Variants in KLF8 observed in about 807,000 individuals in gnomAD.
KLF8 encodes Krueppel-like factor 8.
A neutral mutation model predicts 18.2 loss-of-function variants in KLF8; 10 were observed. That is an observed-to-expected ratio of 0.55 (90% CI 0.34 to 0.93). The LOEUF is 0.93. Among genes scored for constraint, KLF8 ranks in the 40% least tolerant of loss-of-function variants. KLF8 has a pLI of 0.02. For missense variants in KLF8, 264 were observed against 277.9 expected, an observed-to-expected ratio of 0.95 and a Z score of 0.36; for synonymous variants, 109 against 97.3, an observed-to-expected ratio of 1.12 and a Z score of -0.71.
chrX:55,987,333 A>C, the KLF8 span, among the ~76,000 whole-genome samples: 1 of 110,347 alleles, frequency 9.1e-6, no homozygotes, highest in African/African-American at 3.3e-5. Context: ...TATATCTCCT[A>C]ATGCTATACC....
chrX:56,075,312 T>C, the KLF8 span, among the ~76,000 whole-genome samples: 1 of 111,665 alleles, frequency 9.0e-6, no homozygotes, highest in Admixed American at 9.5e-5. Flanking sequence ...CATGTCAAAC[T>C]TGTACTTTGT....
chrX:56,162,406 G>A, the KLF8 span, among the ~76,000 whole-genome samples: 3 of 112,265 alleles, frequency 2.7e-5, no homozygotes, highest in Admixed American at 2.8e-4. Flanking sequence ...TTGAGCTGCA[G>A]TGGGCTCCAC....
chrX:56,166,756 T>A, the KLF8 span, among the ~76,000 whole-genome samples: 1 of 112,030 alleles, frequency 8.9e-6, no homozygotes, highest in Non-Finnish European at 1.9e-5. Flanking sequence ...TACTGTTAAC[T>A]GCCCAGCTAA....
At chrX:56,160,925 T>C in the KLF8 span, among the ~76,000 whole-genome samples, 1 of 111,450 alleles carries the variant, frequency 9.0e-6, no homozygotes, top group African/African-American at 3.3e-5. Flanking sequence ...AATTTGATCC[T>C]GTCATTATGA....
At chrX:56,246,076 T>A (rs997682587) in intron 1 of KLF8, among the ~76,000 whole-genome samples, 1 of 112,038 alleles carries the variant, frequency 8.9e-6, no homozygotes, top group Non-Finnish European at 1.9e-5. Flanking sequence ...TTTGGCTGTT[T>A]TCTGGGTGAG....
the KLF8 span, chrX:56,014,832 T>G: frequency 1.0e-5 from 1 of 98,414 alleles, no homozygotes; most frequent in South Asian, 5.1e-4. Context: ...TTTTTTTTTT[T>G]TTTTTTTTGC....
At position 56,287,916 on chromosome X, in the gene KLF8, C is replaced by G. The variant is rs1187843787; in HGVS notation, c.*3422C>G. 9.6e-6 allele frequency: 1 copy of G among 104,549 alleles called. No homozygotes were observed. The highest frequency in any genetic ancestry group is 1.9e-5 in the Non-Finnish European group (1 of 52,855). 8.6% of individuals were successfully genotyped at this position (104,549 alleles called of 1,213,427 possible). The stretch of plus-strand genomic sequence containing the variant: ...TGAAGTCCATACTTTATTCAGGTTT[C>G]TTTAGTTTTTACCTAAGATCCTTTT... On this transcript the variant is annotated 3_prime_UTR_variant, in exon 6 of 6. Coordinates refer to ENST00000468660, the MANE Select transcript of KLF8 (RefSeq NM_007250.5).
the KLF8 span, among the ~76,000 whole-genome samples, chrX:56,138,046 C>CAAAAAAA: frequency 1.4e-4 from 8 of 56,636 alleles, no homozygotes; most frequent in Non-Finnish European, 1.5e-4. Context: ...CACAGAAATA[C>CAAAAAAA]AAAAAAAAAA....
chrX:56,186,913 A>G, the KLF8 span, among the ~76,000 whole-genome samples: 4 of 112,188 alleles, frequency 3.6e-5, no homozygotes, highest in African/African-American at 1.3e-4. Flanking sequence ...AATGCCCACA[A>G]GAGAAAGCAG....
chrX:56,143,015 A>T, the KLF8 span, among the ~76,000 whole-genome samples: 1 of 111,598 alleles, frequency 9.0e-6, no homozygotes, highest in Admixed American at 9.6e-5. Context: ...TCTCTTTGTA[A>T]CCTTTTAATT....
the KLF8 span, among the ~76,000 whole-genome samples, chrX:55,995,644 G>A: frequency 1.8e-5 from 2 of 111,822 alleles, no homozygotes; most frequent in African/African-American, 6.5e-5. Flanking sequence ...ATGAAGCTTA[G>A]TTTGGCAGGA....
At chrX:56,267,783 CATT>C (rs1207651387) in intron 3 of KLF8, 2 of 111,858 alleles carry the variant, frequency 1.8e-5, no homozygotes, top group Non-Finnish European at 3.8e-5. Context: ...TGCATTACCT[CATT>C]ATCATTTTTG....
the KLF8 span, among the ~76,000 whole-genome samples, chrX:56,165,964 A>C: frequency 1.8e-5 from 2 of 111,420 alleles, no homozygotes; most frequent in Non-Finnish European, 1.9e-5. Flanking sequence ...GGAATTTGTC[A>C]AAATCTTAAC....
the KLF8 span, among the ~76,000 whole-genome samples, chrX:56,224,118 T>G: frequency 9.0e-6 from 1 of 110,661 alleles, no homozygotes; most frequent in Admixed American, 9.7e-5. Flanking sequence ...AATTTCTGAT[T>G]TTGGAATGGT....
the KLF8 span, among the ~76,000 whole-genome samples, chrX:56,085,326 C>T: frequency 1.8e-5 from 2 of 112,018 alleles, no homozygotes; most frequent in Admixed American, 9.4e-5. Context: ...CACAATCTGC[C>T]ATCTGCAAGC....
At chrX:56,269,014 AC>A in intron 3 of KLF8, 14 of 891,233 alleles carry the variant, frequency 1.6e-5, no homozygotes, top group Non-Finnish European at 1.9e-5. Flanking sequence ...CAACACACAC[AC>A]ACACACACAC....
chrX:56,244,943 G>A (rs1411111753), intron 1 of KLF8, among the ~76,000 whole-genome samples: 1 of 111,766 alleles, frequency 8.9e-6, no homozygotes, highest in East Asian at 2.8e-4. Context: ...TCAGAAAGAA[G>A]GTGCTCACCA....
At chrX:56,092,505 G>A in the KLF8 span, among the ~76,000 whole-genome samples, 11 of 111,200 alleles carry the variant, frequency 9.9e-5, no homozygotes, top group South Asian at 1.5e-3. Context: ...TGTTATGCAT[G>A]TGACTATCCA....
the KLF8 span, among the ~76,000 whole-genome samples, chrX:56,116,365 C>A: frequency 8.1e-5 from 9 of 111,731 alleles, no homozygotes; most frequent in Non-Finnish European, 1.7e-4. Context: ...GATGAAAGAG[C>A]TAGTGAAAAA....
Sources: gnomAD v4.1 joint callset for allele counts (sites outside exome capture counted in the v4.1 genomes callset) on GRCh38, gnomAD v4.1.1 for gene constraint, MANE v1.5 for transcripts, NCBI Gene and HGNC (gene_info 2026-07-23, HGNC 2026-07-21) for gene names.